NT5DC1: variants seen among roughly 807,000 people sequenced by gnomAD.
NT5DC1 encodes 5'-nucleotidase domain containing 1.
A neutral mutation model predicts 59.4 loss-of-function variants in NT5DC1; 42 were observed. The observed-to-expected ratio is 0.71, with a 90% CI of 0.55 to 0.92. NT5DC1 has a LOEUF of 0.92. NT5DC1 is among the 40% of genes least tolerant of loss of function. The probability of loss-of-function intolerance (pLI) is 0.00; values close to 1 mark genes in which losing one functional copy is unlikely to be tolerated. For synonymous variants in NT5DC1, 172 were observed against 188.1 expected, an observed-to-expected ratio of 0.91 and a Z score of 0.70; for missense variants, 501 against 537.1, an observed-to-expected ratio of 0.93 and a Z score of 0.66.
At chr6:116,198,099 G>A (rs1562160864) in intron 6 of NT5DC1, among the ~76,000 whole-genome samples, 1 of 151,992 alleles carries the variant, frequency 6.6e-6, no homozygotes, top group Non-Finnish European at 1.5e-5. Flanking sequence ...AAATAAAAGG[G>A]TTATTTCTCC....
chr6:116,165,909 G>A (rs1780451356), intron 6 of NT5DC1, among the ~76,000 whole-genome samples: 1 of 152,220 alleles, frequency 6.6e-6, no homozygotes, highest in South Asian at 2.1e-4. Flanking sequence ...AGCCCACAAT[G>A]AATGCACAAC....
intron 6 of NT5DC1, among the ~76,000 whole-genome samples, chr6:116,185,050 G>C (rs559939964): frequency 2.0e-5 from 3 of 152,112 alleles, no homozygotes; most frequent in South Asian, 2.1e-4. Flanking sequence ...TGGAGGTTTT[G>C]ATAGGTTGTG....
Position 116,106,099 on chromosome 6 carries a change from A to G in NT5DC1, c.94-145A>G, listed in dbSNP as rs572798242. ...GATGATAAATTGCTTGTGAAGGAGAATTATACTGCAGAACTTCACAATTAC... is the reference window on the plus strand; with the variant it reads ...GATGATAAATTGCTTGTGAAGGAGAGTTATACTGCAGAACTTCACAATTAC... On this transcript the variant is annotated intron_variant, in intron 1 of 11. Transcript: ENST00000319550. The G allele has an allele frequency of 1.5e-4, 102 of 671,668 alleles. No homozygotes were observed. In the African/African-American group the frequency reaches 1.7e-3, roughly 11 times the overall value. The allele number at this position is 671,668 out of a possible 1,614,324, so 41.6% of individuals were successfully genotyped here.
chr6:116,225,617 A>G (rs930306976), intron 8 of NT5DC1, among the ~76,000 whole-genome samples: 23 of 152,236 alleles, frequency 1.5e-4, no homozygotes, highest in African/African-American at 5.5e-4. Context: ...CTAGTGCCTC[A>G]GTGAACAGTT....
chr6:116,211,911 T>A, intron 6 of NT5DC1, among the ~76,000 whole-genome samples: 1 of 152,018 alleles, frequency 6.6e-6, no homozygotes, highest in South Asian at 2.1e-4. Context: ...AACACACTGA[T>A]GAACAAAATG....
At chr6:116,127,314 T>TA (rs1334583091) in intron 6 of NT5DC1, among the ~76,000 whole-genome samples, 1 of 152,160 alleles carries the variant, frequency 6.6e-6, no homozygotes, top group Non-Finnish European at 1.5e-5. Flanking sequence ...TGTATAGCCC[T>TA]TTATGGAAAT....
At chr6:116,217,118 T>G (rs1174133212) in intron 6 of NT5DC1, among the ~76,000 whole-genome samples, 3 of 152,180 alleles carry the variant, frequency 2.0e-5, no homozygotes, top group Non-Finnish European at 4.4e-5. Flanking sequence ...ATAGAAATAG[T>G]GATGTGGCAC....
At chr6:116,212,818 A>G (rs1359007771) in intron 6 of NT5DC1, among the ~76,000 whole-genome samples, 8 of 152,140 alleles carry the variant, frequency 5.3e-5, no homozygotes, top group African/African-American at 1.7e-4. Context: ...ATGAGAAGTG[A>G]TAAGTATGTA....
At chr6:116,213,560 TCTAGACA>T (rs1241069399) in intron 6 of NT5DC1, among the ~76,000 whole-genome samples, 1 of 152,092 alleles carries the variant, frequency 6.6e-6, no homozygotes, top group Non-Finnish European at 1.5e-5. Context: ...TAACTCCAAC[TCTAGACA>T]TATGAGGTGG....
intron 6 of NT5DC1, among the ~76,000 whole-genome samples, chr6:116,132,329 G>A (rs1779489108): frequency 6.6e-6 from 1 of 152,162 alleles, no homozygotes. Flanking sequence ...CTTACTGAAA[G>A]CATGGTTGAG....
At chr6:116,241,538 C>T (rs1225991334) in intron 11 of NT5DC1, among the ~76,000 whole-genome samples, 2 of 152,066 alleles carry the variant, frequency 1.3e-5, no homozygotes, top group Non-Finnish European at 2.9e-5. Context: ...AAATAACTCT[C>T]AAGAGAATTG....
rs965811626 is a variant in NT5DC1 at position 116,249,354 on chromosome 6, G to C, written c.*5330G>C. On this transcript the variant is annotated 3_prime_UTR_variant, in exon 12 of 12. Transcript: ENST00000319550. ...TTGCTTAGATGGCTACAAATACTTA[G>C]CAATTCATTTTCATAGATTTTGTAG... The C allele has an allele frequency of 6.6e-6, 1 of 152,180 alleles. No individual in the cohort carries two copies. Among genetic ancestry groups the C allele is most frequent in the African/African-American group, 2.4e-5 (1 of 41,456 alleles). 9.4% of individuals were successfully genotyped at this position (152,180 alleles called of 1,614,324 possible).
intron 11 of NT5DC1, 99 bp downstream of exon 11, chr6:116,239,222 T>C (rs1311750148): frequency 1.1e-6 from 1 of 915,360 alleles, no homozygotes; most frequent in Non-Finnish European, 1.7e-6. Context: ...TGCCACAACA[T>C]TGATTTATCT....
chr6:116,143,193 A>G (rs889373381), intron 6 of NT5DC1, among the ~76,000 whole-genome samples: 8 of 152,078 alleles, frequency 5.3e-5, no homozygotes, highest in East Asian at 3.9e-4. Context: ...AGATAGTACT[A>G]CATTTTCTCA....
chr6:116,132,366 T>C (rs1779490413), intron 6 of NT5DC1, among the ~76,000 whole-genome samples: 1 of 152,230 alleles, frequency 6.6e-6, no homozygotes, highest in Non-Finnish European at 1.5e-5. Flanking sequence ...TTAGACCATT[T>C]CTCTAGCCTA....
Position 116,120,310 on chromosome 6 carries a change from G to A in NT5DC1, c.529+2365G>A, listed in dbSNP as rs753033965. The A allele has an allele frequency of 2.4e-5, 38 of 1,614,074 alleles. No individual in the cohort carries two copies. The Admixed American group carries it at 3.7e-4, about 16-fold the overall frequency. ...AAACATGAGTCCCTTTCACATGCAC[G>A]TGGTATGAAAAATAGTATATTCCTG... On this transcript the variant is annotated intron_variant, in intron 6 of 11. Coordinates refer to ENST00000319550, the MANE Select transcript of NT5DC1 (RefSeq NM_152729.3).
chr6:116,106,651 G>A (rs576791), intron 2 of NT5DC1, among the ~76,000 whole-genome samples: 90,734 of 152,036 alleles, frequency 0.6, 28,930 homozygotes, highest in African/African-American at 0.84. Flanking sequence ...TCTAAAATTT[G>A]CATCTTTAAG....
chr6:116,219,057 G>C (rs781760135), intron 6 of NT5DC1, among the ~76,000 whole-genome samples: 1 of 151,936 alleles, frequency 6.6e-6, no homozygotes, highest in Non-Finnish European at 1.5e-5. Flanking sequence ...TCAGAGGCCC[G>C]AGGTGGGAGG....
intron 8 of NT5DC1, among the ~76,000 whole-genome samples, chr6:116,229,071 C>T (rs1781960036): frequency 6.6e-6 from 1 of 152,190 alleles, no homozygotes; most frequent in African/African-American, 2.4e-5. Flanking sequence ...GTGCTTGCAA[C>T]AGCTCATTAA....
Sources: gnomAD v4.1 joint callset for allele counts (sites outside exome capture counted in the v4.1 genomes callset) on GRCh38, gnomAD v4.1.1 for gene constraint, MANE v1.5 for transcripts, NCBI Gene and HGNC (gene_info 2026-07-23, HGNC 2026-07-21) for gene names.